ADAMTS3: variants seen among roughly 807,000 people sequenced by gnomAD.
ADAMTS3 encodes ADAM metallopeptidase with thrombospondin type 1 motif 3.
Under a neutral mutation model 129.0 loss-of-function variants are expected in ADAMTS3, and 73 were observed. That is an observed-to-expected ratio of 0.57 (90% CI 0.47 to 0.69). ADAMTS3 has a LOEUF of 0.69. ADAMTS3 is among the 30% of genes least tolerant of loss of function. The pLI, the probability that ADAMTS3 is intolerant of heterozygous loss-of-function variation, is 0.00. For missense variants in ADAMTS3, 1,457 were observed against 1,514.5 expected, an observed-to-expected ratio of 0.96 and a Z score of 0.63; for synonymous variants, 477 against 510.8, an observed-to-expected ratio of 0.93 and a Z score of 0.89.
chr4:72,424,527 C>G (rs745566870), intron 3 of ADAMTS3, among the ~76,000 whole-genome samples: 7 of 152,072 alleles, frequency 4.6e-5, no homozygotes, highest in Non-Finnish European at 7.4e-5. Context: ...TATTTGGGCT[C>G]CTAATAGAAT....
chr4:72,343,096 T>A (rs1298361871), intron 4 of ADAMTS3, among the ~76,000 whole-genome samples: 1 of 152,122 alleles, frequency 6.6e-6, no homozygotes, highest in Non-Finnish European at 1.5e-5. Context: ...CTGATTTACA[T>A]AAGGGCCCAC....
At chr4:72,297,905 T>A (rs1417498948) in intron 18 of ADAMTS3, among the ~76,000 whole-genome samples, 1 of 152,060 alleles carries the variant, frequency 6.6e-6, no homozygotes, top group Non-Finnish European at 1.5e-5. Context: ...TTATTAACTC[T>A]GGTAGAAATG....
At chr4:72,431,728 T>A (rs1191339198) in intron 3 of ADAMTS3, among the ~76,000 whole-genome samples, 1 of 151,968 alleles carries the variant, frequency 6.6e-6, no homozygotes, top group Non-Finnish European at 1.5e-5. Context: ...CCTGTACTTT[T>A]ACATAGTGAT....
chr4:72,281,183 G>C lies in ADAMTS3; in HGVS notation c.*1953C>G, dbSNP rs190909126. ...TGTATGCACACACAAGTAAACTAGA[G>C]AGAATTTTATTCTATGGGAATTTTT... On this transcript the variant is annotated 3_prime_UTR_variant, in exon 22 of 22. Transcript: ENST00000286657. 1.6e-4 allele frequency: 24 copies of C among 152,400 alleles called. No individual in the cohort carries two copies. The highest frequency in any genetic ancestry group is 5.8e-4 in the African/African-American group (24 of 41,432). 9.4% of individuals were successfully genotyped at this position (152,400 alleles called of 1,614,324 possible). A position where few individuals can be genotyped will look rare whatever the true frequency, so the allele number is the denominator to read the frequency against.
intron 3 of ADAMTS3, among the ~76,000 whole-genome samples, chr4:72,509,538 T>C (rs1291583913): frequency 6.6e-6 from 1 of 151,926 alleles, no homozygotes; most frequent in East Asian, 1.9e-4. Context: ...AATTCCTAGA[T>C]ACATACAACC....
intron 5 of ADAMTS3, among the ~76,000 whole-genome samples, chr4:72,333,602 C>G (rs1578590434): frequency 6.6e-6 from 1 of 152,158 alleles, no homozygotes; most frequent in African/African-American, 2.4e-5. Context: ...CCCTCAGTGG[C>G]TTTTATTTTG....
intron 3 of ADAMTS3, among the ~76,000 whole-genome samples, chr4:72,484,601 A>T (rs1403210877): frequency 1.3e-5 from 2 of 152,166 alleles, no homozygotes; most frequent in Non-Finnish European, 2.9e-5. Context: ...TCACCTTAGC[A>T]AAAGTGGGAG....
At chr4:72,357,385 A>G (rs1277868093) in intron 4 of ADAMTS3, among the ~76,000 whole-genome samples, 2 of 151,996 alleles carry the variant, frequency 1.3e-5, no homozygotes, top group African/African-American at 2.4e-5. Context: ...ACTTATTACT[A>G]TAAGATACAT....
chr4:72,463,405 TA>T (rs1718825558), intron 3 of ADAMTS3, among the ~76,000 whole-genome samples: 2 of 152,156 alleles, frequency 1.3e-5, no homozygotes, highest in South Asian at 4.1e-4. Flanking sequence ...TTTGTCAGGT[TA>T]TTTATGCCTT....
At chr4:72,363,164 T>G (rs776086308) in intron 4 of ADAMTS3, among the ~76,000 whole-genome samples, 1 of 152,062 alleles carries the variant, frequency 6.6e-6, no homozygotes, top group Non-Finnish European at 1.5e-5. Flanking sequence ...GAAAGTCAAG[T>G]ATGGTCTCAG....
At chr4:72,526,994 G>A (rs1328294508) in intron 3 of ADAMTS3, among the ~76,000 whole-genome samples, 2 of 152,048 alleles carry the variant, frequency 1.3e-5, no homozygotes, top group East Asian at 3.9e-4. Context: ...AGGTTAAGAT[G>A]ATTCCTATAA....
chr4:72,410,417 T>TCTTAGC (rs1185403868), intron 4 of ADAMTS3, among the ~76,000 whole-genome samples: 2 of 152,106 alleles, frequency 1.3e-5, no homozygotes, highest in African/African-American at 4.8e-5. Flanking sequence ...GAAAGGAAGC[T>TCTTAGC]AGGAGATAAA....
intron 3 of ADAMTS3, among the ~76,000 whole-genome samples, chr4:72,500,168 T>C (rs1719975216): frequency 6.6e-6 from 1 of 152,118 alleles, no homozygotes; most frequent in South Asian, 2.1e-4. Flanking sequence ...GGTTGAATGG[T>C]AGTTTAAAGT....
chr4:72,479,003 C>A (rs1015085798), intron 3 of ADAMTS3, among the ~76,000 whole-genome samples: 1 of 151,844 alleles, frequency 6.6e-6, no homozygotes, highest in East Asian at 1.9e-4. Context: ...GAAGGACCTC[C>A]TCAAGGAGAA....
At chr4:72,488,430 A>G (rs1358357127) in intron 3 of ADAMTS3, among the ~76,000 whole-genome samples, 1 of 152,018 alleles carries the variant, frequency 6.6e-6, no homozygotes, top group African/African-American at 2.4e-5. Context: ...TTCTGATAAC[A>G]AATTCCATCT....
intron 3 of ADAMTS3, among the ~76,000 whole-genome samples, chr4:72,533,766 T>C (rs892605508): frequency 3.9e-5 from 6 of 152,110 alleles, no homozygotes; most frequent in Non-Finnish European, 8.8e-5. Context: ...AAAGCTGTAA[T>C]AGCAGTTAGG....
chr4:72,397,389 A>G (rs752215969), intron 4 of ADAMTS3, among the ~76,000 whole-genome samples: 3 of 151,966 alleles, frequency 2.0e-5, no homozygotes, highest in Non-Finnish European at 4.4e-5. Flanking sequence ...ACATGGTGAA[A>G]CCTGTCTCTA....
chr4:72,522,048 A>G (rs1720688686), intron 3 of ADAMTS3, among the ~76,000 whole-genome samples: 1 of 152,176 alleles, frequency 6.6e-6, no homozygotes, highest in African/African-American at 2.4e-5. Flanking sequence ...AACATGACAG[A>G]CTTCTATAGG....
At chr4:72,292,847 A>C (rs1159522679) in intron 19 of ADAMTS3, among the ~76,000 whole-genome samples, 1 of 152,156 alleles carries the variant, frequency 6.6e-6, no homozygotes, top group African/African-American at 2.4e-5. Context: ...TAGCTTGTCA[A>C]ACTGGTGGTA....
Sources: gnomAD v4.1 joint callset for allele counts (sites outside exome capture counted in the v4.1 genomes callset) on GRCh38, gnomAD v4.1.1 for gene constraint, MANE v1.5 for transcripts, NCBI Gene and HGNC (gene_info 2026-07-23, HGNC 2026-07-21) for gene names.